Variants in ITPR2 observed in about 807,000 individuals in gnomAD.
The protein encoded by ITPR2 is inositol 1,4,5-trisphosphate receptor type 2.
A neutral mutation model predicts 317.1 loss-of-function variants in ITPR2; 207 were observed. The ratio of observed to expected loss-of-function variants is 0.65; its 90% confidence interval spans 0.58 to 0.73. ITPR2 has a LOEUF of 0.73. ITPR2 is among the 30% of genes least tolerant of loss of function. The probability of loss-of-function intolerance (pLI) is 0.00; values close to 1 mark genes in which losing one functional copy is unlikely to be tolerated. For missense variants in ITPR2, 2,613 were observed against 3,284.0 expected (o/e 0.80, Z 4.99); for synonymous variants, 1,156 against 1,149.1 (o/e 1.01, Z -0.12).
chr12:26,673,007 C>T, intron 13 of ITPR2, among the ~76,000 whole-genome samples: 1 of 151,272 alleles, frequency 6.6e-6, no homozygotes, highest in Non-Finnish European at 1.5e-5. Context: ...CAGGAAGAAG[C>T]TCTGAATAGA....
intron 1 of ITPR2, among the ~76,000 whole-genome samples, chr12:26,795,717 T>G (rs1161433098): frequency 6.6e-6 from 1 of 152,126 alleles, no homozygotes; most frequent in East Asian, 1.9e-4. Context: ...GGCATGGTGG[T>G]TCAGGCCTGC....
chr12:26,709,168 T>A (rs1036342829), intron 9 of ITPR2, among the ~76,000 whole-genome samples: 27 of 152,228 alleles, frequency 1.8e-4, no homozygotes, highest in Admixed American at 1.8e-3. Flanking sequence ...TTTGAGGCTA[T>A]GATTGCTATT....
intron 49 of ITPR2, among the ~76,000 whole-genome samples, chr12:26,426,873 A>C (rs573243186): frequency 1.3e-5 from 2 of 150,686 alleles, no homozygotes; most frequent in East Asian, 3.9e-4. Flanking sequence ...GTTAAATATT[A>C]GTTATTATTA....
chr12:26,816,961 C>T (rs563823229), intron 1 of ITPR2, among the ~76,000 whole-genome samples: 15 of 151,842 alleles, frequency 9.9e-5, no homozygotes, highest in African/African-American at 2.2e-4. Flanking sequence ...GGGCGGATCA[C>T]GAGGTCAGGA....
intron 55 of ITPR2, among the ~76,000 whole-genome samples, chr12:26,370,239 T>C (rs546763417): frequency 2.7e-4 from 41 of 152,252 alleles, no homozygotes; most frequent in African/African-American, 9.4e-4. Context: ...CAAAAAGCAG[T>C]TGGCGTATGA....
chr12:26,768,028 T>A lies in ITPR2; in HGVS notation c.163+22129A>T, dbSNP rs373048578. ...TACCCGCTGACTTCCTGATTTCTAA[T>A]TACTTTCCCTGACCATGATTCTTAC... On this transcript the variant is annotated intron_variant, in intron 2 of 56. Transcript: ENST00000381340. 2.3e-4 allele frequency among the ~76,000 whole-genome samples: 35 copies of A among 152,304 alleles called. No individual in the cohort carries two copies. In the East Asian group the frequency reaches 6.6e-3, roughly 29 times the overall value.
intron 55 of ITPR2, among the ~76,000 whole-genome samples, chr12:26,365,379 C>CT (rs988098058): frequency 2.6e-5 from 4 of 152,146 alleles, no homozygotes; most frequent in East Asian, 3.9e-4. Context: ...TTACATGACT[C>CT]TTTTTTTCTT....
intron 37 of ITPR2, chr12:26,495,474 A>G (rs186080032): frequency 5.1e-4 from 241 of 471,874 alleles, no homozygotes; most frequent in African/African-American, 4.0e-3. Flanking sequence ...AGGGTGGGAG[A>G]AGCTTTTTGG....
chr12:26,340,433 C>T, intron 55 of ITPR2, 105 bp from the exon 56 acceptor site: 1 of 1,179,418 alleles, frequency 8.5e-7, no homozygotes, highest in Non-Finnish European at 1.1e-6. Flanking sequence ...TCTTAGCACT[C>T]AAATTGGAGA....
chr12:26,630,860 A>G (rs1946736147), intron 22 of ITPR2: 1 of 152,150 alleles, frequency 6.6e-6, no homozygotes, highest in African/African-American at 2.4e-5. Flanking sequence ...GGTGATCGCT[A>G]TCTTTCTCAG....
chr12:26,654,933 C>A (rs1252770026), intron 20 of ITPR2, among the ~76,000 whole-genome samples: 2 of 152,178 alleles, frequency 1.3e-5, no homozygotes, highest in Non-Finnish European at 2.9e-5. Flanking sequence ...TGAGCCAGAA[C>A]CACCCAGCTA....
chr12:26,447,056 G>T (rs139925978), intron 45 of ITPR2, among the ~76,000 whole-genome samples: 70 of 152,030 alleles, frequency 4.6e-4, no homozygotes, highest in African/African-American at 1.7e-3. Flanking sequence ...TTTCTCTCCA[G>T]TGGTCTGTGA....
At chr12:26,608,802 A>G (rs11048613) in intron 26 of ITPR2, among the ~76,000 whole-genome samples, 44,332 of 148,934 alleles carry the variant, frequency 0.3, 7,234 homozygotes, top group East Asian at 0.52. Flanking sequence ...AAAAAAAAAA[A>G]AACACATCAG....
At chr12:26,452,005 TG>T (rs1941753564) in intron 45 of ITPR2, among the ~76,000 whole-genome samples, 1 of 152,172 alleles carries the variant, frequency 6.6e-6, no homozygotes, top group Non-Finnish European at 1.5e-5. Context: ...ATGGGGTTTC[TG>T]GGACAGCTAT....
chr12:26,656,717 C>T (rs750183281), intron 18 of ITPR2, among the ~76,000 whole-genome samples, 169 bp from the exon 19 acceptor site: 5 of 152,174 alleles, frequency 3.3e-5, no homozygotes, highest in East Asian at 1.9e-4. Context: ...AATGACAAGA[C>T]ATATATGAAA....
chr12:26,764,901 ATT>A (rs1194438699), intron 2 of ITPR2, among the ~76,000 whole-genome samples: 1 of 152,054 alleles, frequency 6.6e-6, no homozygotes, highest in Non-Finnish European at 1.5e-5. Context: ...ATTGTTGAAT[ATT>A]GTTATTGTTT....
chr12:26,681,689 GATT>G (rs1458591542), intron 13 of ITPR2, among the ~76,000 whole-genome samples, 182 bp downstream of exon 13: 1 of 152,184 alleles, frequency 6.6e-6, no homozygotes, highest in African/African-American at 2.4e-5. Context: ...TATTCCAACA[GATT>G]TAAATCTGAC....
At chr12:26,583,961 C>T (rs1306931596) in intron 32 of ITPR2, among the ~76,000 whole-genome samples, 3 of 151,974 alleles carry the variant, frequency 2.0e-5, no homozygotes, top group African/African-American at 4.8e-5. Context: ...ATTTGTCAGA[C>T]GTAATAAGGA....
intron 48 of ITPR2, among the ~76,000 whole-genome samples, chr12:26,429,244 G>A (rs1169352390): frequency 6.6e-6 from 1 of 152,196 alleles, no homozygotes; most frequent in Non-Finnish European, 1.5e-5. Flanking sequence ...CATTCATTTA[G>A]ACATGTTTAC....
Sources: gnomAD v4.1 joint callset for allele counts (sites outside exome capture counted in the v4.1 genomes callset) on GRCh38, gnomAD v4.1.1 for gene constraint, MANE v1.5 for transcripts, NCBI Gene and HGNC (gene_info 2026-07-23, HGNC 2026-07-21) for gene names.